Variants in CLVS1 observed in about 807,000 individuals in gnomAD.
The protein encoded by CLVS1 is clavesin 1.
In CLVS1, 10 loss-of-function variants were observed where a neutral mutation model predicts 33.1. The observed-to-expected ratio is 0.30, with a 90% CI of 0.19 to 0.51. The LOEUF is 0.51. Among genes scored for constraint, CLVS1 ranks in the 20% least tolerant of loss-of-function variants. The pLI is 0.97. For missense variants in CLVS1, 343 were observed against 433.4 expected (o/e 0.79, Z 1.85); for synonymous variants, 163 against 166.1 (o/e 0.98, Z 0.14).
rs546270345 is a variant in CLVS1, at chr8:61,089,048, C to T, written c.-243+31818C>T. 8.5e-5 allele frequency among the ~76,000 whole-genome samples: 13 copies of T among 152,140 alleles called. No individual in the cohort carries two copies. The East Asian group carries it at 2.3e-3, about 27-fold the overall frequency. On this transcript the variant is annotated intron_variant, in intron 1 of 2. Coordinates refer to the CLVS1 transcript ENST00000522621. Reference sequence around the variant, plus strand: ...CAATCTCCTGACCTCGTGATCTGCCCGCCTCGTCCTCCCGAAGTGCTGGAT... The same window carrying T: ...CAATCTCCTGACCTCGTGATCTGCCTGCCTCGTCCTCCCGAAGTGCTGGAT...
chr8:61,227,389 C>G (rs907196430), intron 2 of CLVS1, among the ~76,000 whole-genome samples: 1 of 151,274 alleles, frequency 6.6e-6, no homozygotes, highest in Non-Finnish European at 1.5e-5. Context: ...AATCACATTT[C>G]CAGCAGTCCT....
At chr8:61,152,131 C>T (rs1585646769) in intron 2 of CLVS1, among the ~76,000 whole-genome samples, 1 of 152,280 alleles carries the variant, frequency 6.6e-6, no homozygotes, top group East Asian at 1.9e-4. Context: ...AAACAACAAA[C>T]ATTTATTTCT....
intron 2 of CLVS1, among the ~76,000 whole-genome samples, chr8:61,244,727 T>C (rs993767504): frequency 9.2e-5 from 14 of 152,232 alleles, no homozygotes; most frequent in South Asian, 2.1e-4. Context: ...ATTTTGTGTG[T>C]GGCATGTGTG....
intron 2 of CLVS1, among the ~76,000 whole-genome samples, chr8:61,370,817 G>A (rs1813406139): frequency 6.6e-6 from 1 of 152,108 alleles, no homozygotes; most frequent in Admixed American, 6.5e-5. Flanking sequence ...CATTCAGGTT[G>A]CTGTGAATGC....
At chr8:61,263,844 A>T (rs901002055) in intron 2 of CLVS1, among the ~76,000 whole-genome samples, 2 of 152,180 alleles carry the variant, frequency 1.3e-5, no homozygotes, top group African/African-American at 4.8e-5. Flanking sequence ...ATGGTTATGA[A>T]GATCAAATGA....
the CLVS1 span, among the ~76,000 whole-genome samples, chr8:61,031,347 G>A: frequency 6.6e-6 from 1 of 152,172 alleles, no homozygotes; most frequent in Non-Finnish European, 1.5e-5. Flanking sequence ...AGAGCCCTTC[G>A]TATGGGCTTC....
chr8:61,367,158 C>G (rs1187439933), intron 2 of CLVS1, among the ~76,000 whole-genome samples: 1 of 152,122 alleles, frequency 6.6e-6, no homozygotes. Flanking sequence ...CTGCTCGACT[C>G]CAGTCCCCTG....
At chr8:61,123,567 G>A (rs771317754) in intron 1 of CLVS1, among the ~76,000 whole-genome samples, 2 of 152,086 alleles carry the variant, frequency 1.3e-5, no homozygotes, top group African/African-American at 2.4e-5. Context: ...TTTCCCCAAG[G>A]TTTCAAAATA....
the CLVS1 span, chr8:60,967,564 C>T: frequency 6.7e-6 from 3 of 449,200 alleles, no homozygotes; most frequent in Admixed American, 2.4e-5. Flanking sequence ...GGGTGCAGTG[C>T]ATACTTACCC....
chr8:61,035,187 C>CTTTTTTTTT, the CLVS1 span, among the ~76,000 whole-genome samples: 3 of 129,408 alleles, frequency 2.3e-5, no homozygotes, highest in Middle Eastern at 4.2e-3. Context: ...TTTCTTTTTT[C>CTTTTTTTTT]TTTTTTTTTT....
intron 2 of CLVS1, among the ~76,000 whole-genome samples, chr8:61,221,325 A>G (rs945495435): frequency 6.6e-6 from 1 of 152,218 alleles, no homozygotes; most frequent in South Asian, 2.1e-4. Flanking sequence ...TGGGTTTGTC[A>G]TAAATAGATC....
intron 5 of CLVS1, among the ~76,000 whole-genome samples, chr8:61,474,349 G>A (rs1817837588): frequency 6.6e-6 from 1 of 152,192 alleles, no homozygotes; most frequent in Admixed American, 6.5e-5. Flanking sequence ...CAAGAGCTGT[G>A]GTGGAGTCAC....
chr8:61,189,607 T>G (rs1046187174), intron 2 of CLVS1, among the ~76,000 whole-genome samples: 1 of 152,192 alleles, frequency 6.6e-6, no homozygotes, highest in Non-Finnish European at 1.5e-5. Context: ...GACCCATCAG[T>G]GTGCTGTATT....
intron 1 of CLVS1, among the ~76,000 whole-genome samples, chr8:61,091,139 G>A (rs779523932): frequency 6.6e-6 from 1 of 152,196 alleles, no homozygotes; most frequent in African/African-American, 2.4e-5. Flanking sequence ...TAATCACAAT[G>A]GTCCTTACAG....
At chr8:61,098,619 T>A (rs1449988424) in intron 1 of CLVS1, among the ~76,000 whole-genome samples, 2 of 152,070 alleles carry the variant, frequency 1.3e-5, no homozygotes, top group African/African-American at 4.8e-5. Flanking sequence ...GCAACACTCC[T>A]GGGAGGTGGA....
At chr8:61,441,764 T>C (rs559870573) in intron 3 of CLVS1, among the ~76,000 whole-genome samples, 4 of 152,266 alleles carry the variant, frequency 2.6e-5, no homozygotes, top group African/African-American at 9.6e-5. Flanking sequence ...AACAAGGCAG[T>C]TGAGTGATGC....
the CLVS1 span, among the ~76,000 whole-genome samples, chr8:61,016,658 C>T: frequency 6.6e-6 from 1 of 152,208 alleles, no homozygotes; most frequent in Non-Finnish European, 1.5e-5. Context: ...AAGAAAACTG[C>T]ATGTGCATAC....
intron 3 of CLVS1, among the ~76,000 whole-genome samples, chr8:61,447,918 T>A (rs1816815233): frequency 6.6e-6 from 1 of 152,172 alleles, no homozygotes; most frequent in Non-Finnish European, 1.5e-5. Context: ...TTAGGAGAAC[T>A]GAGCTATGCT....
At chr8:61,284,016 C>A (rs1254318748), upstream of CLVS1, among the ~76,000 whole-genome samples, 1 of 152,012 alleles carries the variant, frequency 6.6e-6, no homozygotes, top group African/African-American at 2.4e-5. Flanking sequence ...TATATATACA[C>A]AATGGAATAC....
Sources: allele counts gnomAD v4.1 joint callset (sites outside exome capture counted in the v4.1 genomes callset), GRCh38; gene constraint gnomAD v4.1.1; transcripts MANE v1.5; gene names NCBI Gene and HGNC (gene_info 2026-07-23, HGNC 2026-07-21).